RUNDC3B: variants seen among roughly 807,000 people sequenced by gnomAD.
RUNDC3B encodes the protein RUN domain containing 3B.
A neutral mutation model predicts 58.4 loss-of-function variants in RUNDC3B; 33 were observed. That is an observed-to-expected ratio of 0.56 (90% confidence interval 0.43 to 0.75). The LOEUF is 0.75. Among genes scored for constraint, RUNDC3B ranks in the 30% least tolerant of loss-of-function variants. The pLI is 0.00. For missense variants in RUNDC3B, 501 were observed against 535.7 expected (o/e 0.94, Z 0.64); for synonymous variants, 193 against 195.2 (o/e 0.99, Z 0.10).
At chr7:87,823,055 T>TA (rs960579392) in intron 10 of RUNDC3B, among the ~76,000 whole-genome samples, 16 of 151,008 alleles carry the variant, frequency 1.1e-4, no homozygotes, top group South Asian at 6.3e-4. Flanking sequence ...AAAATAAAAT[T>TA]AAAAAAAAAG....
intron 2 of RUNDC3B, among the ~76,000 whole-genome samples, chr7:87,691,570 C>G (rs547161216): frequency 2.6e-5 from 4 of 152,120 alleles, no homozygotes; most frequent in Non-Finnish European, 5.9e-5. Context: ...AAATAAGAAC[C>G]CCTTCTACAA....
intron 8 of RUNDC3B, among the ~76,000 whole-genome samples, chr7:87,782,227 A>G (rs182377058): frequency 7.0e-4 from 106 of 152,148 alleles, no homozygotes; most frequent in Non-Finnish European, 1.3e-3. Context: ...CAACTTATCA[A>G]TTTCCTCTAG....
intron 3 of RUNDC3B, among the ~76,000 whole-genome samples, chr7:87,706,320 ATTTCCAT>A (rs1829581329): frequency 6.6e-6 from 1 of 152,102 alleles, no homozygotes; most frequent in African/African-American, 2.4e-5. Flanking sequence ...CTGTAATCTG[ATTTCCAT>A]TTTATAAGAT....
chr7:87,808,321 T>G (rs759973578), intron 9 of RUNDC3B, among the ~76,000 whole-genome samples: 9 of 151,972 alleles, frequency 5.9e-5, no homozygotes, highest in Non-Finnish European at 1.3e-4. Context: ...TTCTCTACTC[T>G]TTTAGAGTCC....
At chr7:87,675,100 C>T (rs1271927572) in intron 2 of RUNDC3B, among the ~76,000 whole-genome samples, 2 of 152,190 alleles carry the variant, frequency 1.3e-5, no homozygotes, top group African/African-American at 2.4e-5. Context: ...CGGGCCGCTC[C>T]TCACTTGTTC....
chr7:87,644,826 T>C (rs1822820214), intron 1 of RUNDC3B, among the ~76,000 whole-genome samples: 2 of 151,936 alleles, frequency 1.3e-5, no homozygotes, highest in Admixed American at 1.3e-4. Flanking sequence ...TAAAAATAAT[T>C]TCTAATAAAA....
At chr7:87,770,528 G>C in intron 6 of RUNDC3B, 53 bp from the exon 7 acceptor site, 1 of 1,413,394 alleles carries the variant, frequency 7.1e-7, no homozygotes, top group Non-Finnish European at 9.7e-7. Flanking sequence ...AAGTGTTTAA[G>C]AATCAAGTTG....
intron 3 of RUNDC3B, among the ~76,000 whole-genome samples, chr7:87,708,927 T>G (rs1585164380): frequency 6.6e-6 from 1 of 152,196 alleles, no homozygotes; most frequent in Non-Finnish European, 1.5e-5. Flanking sequence ...TTACTTTTAC[T>G]TATTTTTTCA....
chr7:87,680,080 T>C (rs1433265726), intron 2 of RUNDC3B, among the ~76,000 whole-genome samples: 1 of 150,430 alleles, frequency 6.6e-6, no homozygotes, highest in Non-Finnish European at 1.5e-5. Flanking sequence ...CCTGTGTCCA[T>C]GTGTTCTCGT....
intron 3 of RUNDC3B, among the ~76,000 whole-genome samples, chr7:87,702,649 T>C (rs10278483): frequency 0.05 from 7,615 of 152,206 alleles, 279 homozygotes; most frequent in East Asian, 0.098. Context: ...TTGGTAGATA[T>C]AGCCTACATA....
chr7:87,760,706 T>C (rs529812806), intron 6 of RUNDC3B, among the ~76,000 whole-genome samples: 28 of 152,140 alleles, frequency 1.8e-4, no homozygotes, highest in African/African-American at 6.0e-4. Flanking sequence ...TTGAAAAGGG[T>C]ACCAAAACCA....
chr7:87,663,928 G>A (rs575394515), intron 2 of RUNDC3B, among the ~76,000 whole-genome samples: 87 of 152,202 alleles, frequency 5.7e-4, no homozygotes, highest in Admixed American at 9.8e-4. Flanking sequence ...GATCCTACTG[G>A]ATGAAGGCCC....
intron 4 of RUNDC3B, among the ~76,000 whole-genome samples, chr7:87,724,870 G>A (rs372024434): frequency 6.6e-6 from 1 of 151,786 alleles, no homozygotes; most frequent in Admixed American, 6.6e-5. Flanking sequence ...ACATATTATT[G>A]AGTAATATTT....
chr7:87,817,965 C>T (rs1056592205), intron 10 of RUNDC3B, among the ~76,000 whole-genome samples: 13 of 152,080 alleles, frequency 8.5e-5, no homozygotes, highest in Non-Finnish European at 1.6e-4. Flanking sequence ...AATATTGTGT[C>T]GAACTGAATT....
intron 1 of RUNDC3B, among the ~76,000 whole-genome samples, chr7:87,639,880 A>G (rs187361247): frequency 1.8e-3 from 273 of 151,822 alleles, no homozygotes; most frequent in African/African-American, 6.4e-3. Flanking sequence ...ATTTTAATTA[A>G]CGTTATTACT....
At chr7:87,654,794 A>G (rs1475283590) in intron 2 of RUNDC3B, among the ~76,000 whole-genome samples, 1 of 152,126 alleles carries the variant, frequency 6.6e-6, no homozygotes, top group Admixed American at 6.6e-5. Flanking sequence ...AGAAATATTT[A>G]AAAACCACAC....
At position 87,628,589 on chromosome 7, in the gene RUNDC3B, GTGTGTGTGT is replaced by G; in HGVS notation, c.-234_-226del. The G allele has an allele frequency of 2.9e-5, 1 of 34,456 alleles. No homozygotes were observed. The highest frequency in any genetic ancestry group is 5.1e-5 in the Non-Finnish European group (1 of 19,536). 2.1% of individuals were successfully genotyped at this position (34,456 alleles called of 1,614,324 possible). A position where few individuals can be genotyped will look rare whatever the true frequency, so the allele number is the denominator to read the frequency against. On this transcript the variant is annotated 5_prime_UTR_variant, in exon 1 of 11. Coordinates refer to ENST00000394654, the MANE Select transcript of RUNDC3B (RefSeq NM_001134405.2). ...GCGGAGGTGGTGCGTGCGTGCGTGT[GTGTGTGTGT>G]GTGTGTGTGTGTGTGTGTGTGTGTG... is the stretch of plus-strand genomic sequence containing the variant.
At chr7:87,713,094 A>G (rs901502109) in intron 4 of RUNDC3B, 1 of 152,206 alleles carries the variant, frequency 6.6e-6, no homozygotes, top group Non-Finnish European at 1.5e-5. Context: ...CTTCTAGTCA[A>G]GACAAATATA....
intron 4 of RUNDC3B, among the ~76,000 whole-genome samples, chr7:87,718,635 A>G (rs1344831296): frequency 5.3e-5 from 8 of 152,172 alleles, no homozygotes; most frequent in Admixed American, 5.2e-4. Context: ...CAGAAGATGG[A>G]AAGTCCTTTA....
Sources: gnomAD v4.1 joint callset for allele counts (sites outside exome capture counted in the v4.1 genomes callset) on GRCh38, gnomAD v4.1.1 for gene constraint, MANE v1.5 for transcripts, NCBI Gene and HGNC (gene_info 2026-07-23, HGNC 2026-07-21) for gene names.